The following TCF4 variants were observed in gnomAD, a reference collection of about 807,000 sequenced individuals.
The protein encoded by TCF4 is transcription factor 4.
TCF4 carries 3 observed loss-of-function variants against 82.1 expected under a neutral mutation model. That is an observed-to-expected ratio of 0.04 (90% CI 0.02 to 0.09). The LOEUF is 0.09. Ranked by LOEUF, TCF4 falls within the 10% of genes least tolerant of loss-of-function variation. The probability of loss-of-function intolerance (pLI) is 1.00; values close to 1 mark genes in which losing one functional copy is unlikely to be tolerated. For synonymous variants in TCF4, 276 were observed against 309.6 expected, an observed-to-expected ratio of 0.89 and a Z score of 1.14; for missense variants, 518 against 852.7, an observed-to-expected ratio of 0.61 and a Z score of 4.89.
In TCF4 at chr18:55,404,041, C is replaced by T. The variant is rs1339756056; in HGVS notation, c.305-523G>A. 6 of 1,153,228 alleles carry T rather than the reference C, an allele frequency of 5.2e-6. No individual in the cohort carries two copies. The Admixed American group carries it at 1.3e-4, about 26-fold the overall frequency. The allele number at this position is 1,153,228 out of a possible 1,614,324, so 71.4% of individuals were successfully genotyped here. A position where few individuals can be genotyped will look rare whatever the true frequency, so the allele number is the denominator to read the frequency against. ...AAAAACTCCCTTTCCCAGGAGTGAA[C>T]CCCATCATGATCAAGATGATGATGG... On this transcript the variant is annotated intron_variant, in intron 5 of 19. Transcript: ENST00000354452.
chr18:55,372,389 T>G lies in TCF4; in HGVS notation c.370-21386A>C, dbSNP rs558536125. Among the ~76,000 whole-genome samples the G allele has an allele frequency of 4.6e-4, 70 of 152,038 alleles. No homozygotes were observed. In the Middle Eastern group the frequency reaches 0.01, roughly 22 times the overall value. Reference sequence around the variant, plus strand: ...TCCAATCCCAGGGTCAATACATACATGGAGCTGGAGTGGAGTGTGATGCAA... The same window carrying G: ...TCCAATCCCAGGGTCAATACATACAGGGAGCTGGAGTGGAGTGTGATGCAA... On this transcript the variant is annotated intron_variant, in intron 6 of 19. Transcript: ENST00000354452.
chr18:55,562,229 C>G (rs542983402), intron 3 of TCF4, among the ~76,000 whole-genome samples: 1 of 152,102 alleles, frequency 6.6e-6, no homozygotes, highest in Non-Finnish European at 1.5e-5. Context: ...GAAAGTTTGC[C>G]GACCCCTGCT....
At chr18:55,536,130 G>A (rs1038268982) in intron 3 of TCF4, among the ~76,000 whole-genome samples, 1 of 152,066 alleles carries the variant, frequency 6.6e-6, no homozygotes, top group Non-Finnish European at 1.5e-5. Context: ...ACATTTCAAA[G>A]TTATAGTACT....
chr18:55,484,856 C>T (rs927911463), intron 3 of TCF4, among the ~76,000 whole-genome samples: 2 of 152,192 alleles, frequency 1.3e-5, no homozygotes, highest in African/African-American at 2.4e-5. Context: ...CTTAGTAGAA[C>T]GTGCAGCAGT....
At chr18:55,327,517 C>A (rs1465626135) in intron 8 of TCF4, among the ~76,000 whole-genome samples, 2 of 152,038 alleles carry the variant, frequency 1.3e-5, no homozygotes, top group Non-Finnish European at 2.9e-5. Flanking sequence ...TTTTTAGTGA[C>A]TTCCTATGTT....
rs534324050 is a variant in TCF4, at chr18:55,564,517, T to C, written c.145+20763A>G. ...TGAAAGCAGATGTGGAGAGCACAACTCACAATTATCATGTGAGATGGTAAC... is the reference window on the plus strand; with the variant it reads ...TGAAAGCAGATGTGGAGAGCACAACCCACAATTATCATGTGAGATGGTAAC... On this transcript the variant is annotated intron_variant, in intron 3 of 19. Transcript: ENST00000354452. Among the ~76,000 whole-genome samples the C allele has an allele frequency of 8.5e-5, 13 of 152,314 alleles. 1 individual carries two copies. The South Asian group carries it at 2.7e-3, about 32-fold the overall frequency.
intron 8 of TCF4, among the ~76,000 whole-genome samples, chr18:55,313,750 T>TTA (rs2073276780): frequency 1.3e-5 from 2 of 152,088 alleles, no homozygotes; most frequent in Non-Finnish European, 2.9e-5. Context: ...TATTGCATGA[T>TTA]TAATACAAGG....
intron 8 of TCF4, among the ~76,000 whole-genome samples, chr18:55,309,261 G>A (rs1311395744): frequency 2.7e-5 from 4 of 150,778 alleles, no homozygotes; most frequent in South Asian, 2.1e-4. Context: ...ATAGATGAGC[G>A]CTACCATGCC....
At chr18:55,555,842 A>G (rs1294663090) in intron 3 of TCF4, among the ~76,000 whole-genome samples, 2 of 152,244 alleles carry the variant, frequency 1.3e-5, no homozygotes, top group African/African-American at 4.8e-5. Flanking sequence ...TAAAGATAAT[A>G]TTTAATTTGA....
At chr18:55,456,479 C>G (rs1480707102) in intron 5 of TCF4, among the ~76,000 whole-genome samples, 3 of 152,162 alleles carry the variant, frequency 2.0e-5, no homozygotes, top group African/African-American at 7.2e-5. Context: ...TATCGCTTTT[C>G]ACACCCTTCA....
intron 5 of TCF4, among the ~76,000 whole-genome samples, chr18:55,415,641 T>C (rs554432310): frequency 5.3e-5 from 8 of 152,326 alleles, no homozygotes; most frequent in African/African-American, 1.7e-4. Flanking sequence ...AAGTACACTT[T>C]AGTATTAAAT....
intron 16 of TCF4, among the ~76,000 whole-genome samples, chr18:55,233,302 T>C (rs776796319): frequency 3.3e-4 from 50 of 152,246 alleles, no homozygotes; most frequent in Admixed American, 1.0e-3. Context: ...GAAGCATATC[T>C]GTCAAGTATT....
intron 3 of TCF4, among the ~76,000 whole-genome samples, chr18:55,509,677 T>C (rs1300411254): frequency 1.3e-5 from 2 of 151,996 alleles, no homozygotes; most frequent in East Asian, 1.9e-4. Context: ...CAATAGAGGG[T>C]TGCCTCTAAT....
At chr18:55,251,930 GTT>G (rs199695068) in intron 15 of TCF4, among the ~76,000 whole-genome samples, 39 of 101,222 alleles carry the variant, frequency 3.9e-4, no homozygotes, top group Admixed American at 6.1e-4. Flanking sequence ...GGGGGATGAG[GTT>G]TTTTTTTTTT....
chr18:55,464,267 T>C (rs1429314985), intron 3 of TCF4, 130 bp from the exon 4 acceptor site: 6 of 783,482 alleles, frequency 7.7e-6, no homozygotes, highest in African/African-American at 1.7e-5. Flanking sequence ...CGGGCTACCA[T>C]GATGATAGTG....
intron 8 of TCF4, among the ~76,000 whole-genome samples, chr18:55,313,514 C>T (rs774719994): frequency 2.0e-5 from 3 of 151,914 alleles, no homozygotes; most frequent in East Asian, 3.9e-4. Context: ...AATGTCATTA[C>T]GTTTCAAAGA....
rs1033503945 is a variant in TCF4, at chr18:55,633,833, A to G, written c.195+1870T>C. Among the ~76,000 whole-genome samples, 23 of 152,146 alleles carry G rather than the reference A, an allele frequency of 1.5e-4. No homozygotes were observed. Among genetic ancestry groups the G allele is most frequent in the Admixed American group, 1.1e-3 (17 of 15,282 alleles). Reference sequence around the variant, plus strand: ...AGTTTGTCAACCCTTGATATAGAGCATAGCCAGGAGAAACAGCTGTATACA... The same window carrying G: ...AGTTTGTCAACCCTTGATATAGAGCGTAGCCAGGAGAAACAGCTGTATACA... On this transcript the variant is annotated intron_variant, in intron 1 of 20. Coordinates refer to the TCF4 transcript ENST00000398339. The surrounding 1 kb of genome is among the most constrained non-coding windows in gnomAD (Gnocchi z 4.0).
chr18:55,531,184 C>T (rs924571603), intron 3 of TCF4, among the ~76,000 whole-genome samples: 2 of 151,976 alleles, frequency 1.3e-5, no homozygotes, highest in Non-Finnish European at 2.9e-5. Flanking sequence ...CAACTCCTGA[C>T]CTCAAGTGAT....
In TCF4 at chr18:55,222,601, ATTGG is replaced by A. The variant is rs1599233011; in HGVS notation, c.*5430_*5433del. On this transcript the variant is annotated 3_prime_UTR_variant, in exon 20 of 20. Transcript: ENST00000354452. Reference sequence around the variant, plus strand: ...CAATTAGAAAGAATACAAGAGCAATATTGGAGACATCCCCAAATACCACGTACTT... The same window carrying A: ...CAATTAGAAAGAATACAAGAGCAATAAGACATCCCCAAATACCACGTACTT... 6.5e-6 allele frequency: 1 copy of A among 152,752 alleles called. No homozygotes were observed. The highest frequency in any genetic ancestry group is 1.9e-4 in the East Asian group (1 of 5,188). 9.5% of individuals were successfully genotyped at this position (152,752 alleles called of 1,614,324 possible).
Sources: gnomAD v4.1 joint callset for allele counts (sites outside exome capture counted in the v4.1 genomes callset) on GRCh38, gnomAD v4.1.1 for gene constraint, Gnocchi (gnomAD v3.1) non-coding constraint, MANE v1.5 for transcripts, NCBI Gene and HGNC (gene_info 2026-07-23, HGNC 2026-07-21) for gene names.